The following MGAT4A variants were observed in gnomAD, a reference collection of about 807,000 sequenced individuals.
The protein encoded by MGAT4A is alpha-1,3-mannosyl-glycoprotein 4-beta-N-acetylglucosaminyltransferase A.
A neutral mutation model predicts 74.1 loss-of-function variants in MGAT4A; 33 were observed. That is an observed-to-expected ratio of 0.45 (90% CI 0.34 to 0.60). The LOEUF (loss-of-function observed/expected upper bound fraction) is 0.60. Ranked by LOEUF, MGAT4A falls within the 20% of genes least tolerant of loss-of-function variation. The pLI, the probability that MGAT4A is intolerant of heterozygous loss-of-function variation, is 0.02. For missense variants in MGAT4A, 479 were observed against 628.3 expected (o/e 0.76, Z 2.54); for synonymous variants, 198 against 210.4 (o/e 0.94, Z 0.51).
Position 98,625,364 on chromosome 2 carries a change from C to T in MGAT4A, c.*202G>A. The T allele has an allele frequency of 7.3e-7, 1 of 1,366,900 alleles. No individual in the cohort carries two copies. The highest frequency in any genetic ancestry group is 9.5e-7 in the Non-Finnish European group (1 of 1,057,262). The allele number at this position is 1,366,900 out of a possible 1,614,324, so 84.7% of individuals were successfully genotyped here. A position where few individuals can be genotyped will look rare whatever the true frequency, so the allele number is the denominator to read the frequency against. On this transcript the variant is annotated 3_prime_UTR_variant, in exon 16 of 16. Coordinates refer to ENST00000393487, the MANE Select transcript of MGAT4A (RefSeq NM_012214.3). ...TGTCATAATTGAAAAATGTTTGAGT[C>T]AAGTTAAAATCTGAGGACAGCTTAG...
chr2:98,623,042 G>C lies in MGAT4A; in HGVS notation c.*2524C>G. 1 of 985,636 alleles carries C rather than the reference G, an allele frequency of 1.0e-6. No homozygotes were observed. 61.1% of individuals were successfully genotyped at this position (985,636 alleles called of 1,614,324 possible). ...CAAAAATAATACAAAATGATAAAAA[G>C]AGAAAGAGGAGGGCAGGCTGGAATA... On this transcript the variant is annotated 3_prime_UTR_variant, in exon 16 of 16. Coordinates refer to ENST00000393487, the MANE Select transcript of MGAT4A (RefSeq NM_012214.3).
At chr2:98,715,160 C>CA (rs1028517359) in intron 2 of MGAT4A, among the ~76,000 whole-genome samples, 40 of 150,924 alleles carry the variant, frequency 2.7e-4, no homozygotes, top group African/African-American at 8.5e-4. Flanking sequence ...ACTAAAAATA[C>CA]AAAAAAAAGT....
intron 4 of MGAT4A, chr2:98,663,402 TG>T (rs1459568129): frequency 2.7e-5 from 41 of 1,510,416 alleles, no homozygotes; most frequent in Non-Finnish European, 3.4e-5. Context: ...CTGATAAAAA[TG>T]AAAGACATTA....
At chr2:98,662,793 G>A (rs1005152845) in intron 5 of MGAT4A, among the ~76,000 whole-genome samples, 6 of 152,142 alleles carry the variant, frequency 3.9e-5, no homozygotes, top group Admixed American at 3.9e-4. Flanking sequence ...CTTAGAGCTA[G>A]AAATAGGCAC....
intron 5 of MGAT4A, among the ~76,000 whole-genome samples, chr2:98,662,245 T>G (rs1701763014): frequency 6.6e-6 from 1 of 152,248 alleles, no homozygotes; most frequent in African/African-American, 2.4e-5. Context: ...GGAGATACCC[T>G]CTATAATTTC....
At chr2:98,676,706 C>A (rs1575263788) in intron 3 of MGAT4A, among the ~76,000 whole-genome samples, 1 of 152,014 alleles carries the variant, frequency 6.6e-6, no homozygotes, top group South Asian at 2.1e-4. Context: ...ACATTCACAG[C>A]CACTAAAAAT....
chr2:98,656,097 C>A (rs1024873553), intron 7 of MGAT4A: 4 of 393,106 alleles, frequency 1.0e-5, no homozygotes, highest in Non-Finnish European at 1.8e-5. Context: ...TCCTGGTAGC[C>A]TACAGAAACA....
chr2:98,692,992 T>C (rs186337295), intron 2 of MGAT4A, among the ~76,000 whole-genome samples: 176 of 152,064 alleles, frequency 1.2e-3, no homozygotes, highest in African/African-American at 4.1e-3. Flanking sequence ...AAGAAACCCA[T>C]GAAAAGAAAC....
chr2:98,729,947 C>T (rs981554841), intron 1 of MGAT4A, among the ~76,000 whole-genome samples: 2 of 152,160 alleles, frequency 1.3e-5, no homozygotes, highest in Non-Finnish European at 2.9e-5. Flanking sequence ...ATACAGCTTA[C>T]GTAATGTCAT....
In MGAT4A at chr2:98,624,598, G is replaced by T. The variant is rs563896824; in HGVS notation, c.*968C>A. ...ACACCTAGAAAACATTTTGTCTGAC[G>T]TCATAAAATGAGTGCAGATATAAAA... On this transcript the variant is annotated 3_prime_UTR_variant, in exon 16 of 16. Coordinates refer to ENST00000393487, the MANE Select transcript of MGAT4A (RefSeq NM_012214.3). 8 of 984,602 alleles carry T rather than the reference G, an allele frequency of 8.1e-6. No homozygotes were observed. Among genetic ancestry groups the T allele is most frequent in the Non-Finnish European group, 9.6e-6 (8 of 829,466 alleles). The allele number at this position is 984,602 out of a possible 1,614,324, so 61.0% of individuals were successfully genotyped here. A position where few individuals can be genotyped will look rare whatever the true frequency, so the allele number is the denominator to read the frequency against.
At chr2:98,670,359 T>C (rs1199169275) in intron 4 of MGAT4A, among the ~76,000 whole-genome samples, 3 of 152,322 alleles carry the variant, frequency 2.0e-5, no homozygotes, top group Admixed American at 6.5e-5. Flanking sequence ...TATTATGTAC[T>C]AGACAGTCTG....
At chr2:98,714,865 C>T (rs748363657) in intron 2 of MGAT4A, among the ~76,000 whole-genome samples, 1 of 151,958 alleles carries the variant, frequency 6.6e-6, no homozygotes, top group Non-Finnish European at 1.5e-5. Flanking sequence ...ATGATAGGGG[C>T]ACAACAAAAG....
intron 2 of MGAT4A, among the ~76,000 whole-genome samples, chr2:98,710,126 T>C (rs1350327596): frequency 1.3e-5 from 2 of 152,172 alleles, no homozygotes; most frequent in Non-Finnish European, 2.9e-5. Context: ...TTTTGAAGTC[T>C]CTAAAACAAC....
intron 4 of MGAT4A, chr2:98,663,569 T>A: frequency 2.2e-6 from 2 of 904,590 alleles, no homozygotes; most frequent in Non-Finnish European, 3.0e-6. Flanking sequence ...ATCAGTTCTG[T>A]GGTTGTTCTT....
At position 98,660,584 on chromosome 2, in the gene MGAT4A, A is replaced by G. The variant is rs572727056; in HGVS notation, c.538-2320T>C. 2.0e-3 allele frequency among the ~76,000 whole-genome samples: 298 copies of G among 152,288 alleles called. 2 individuals are homozygous for G. The Middle Eastern group carries it at 0.044, about 23-fold the overall frequency. ...TGGTATTGATTTTTAAAAAACAGAC[A>G]CACTGGCCAATGGAACAGAATATAG... On this transcript the variant is annotated intron_variant, in intron 5 of 15. Coordinates refer to ENST00000393487, the MANE Select transcript of MGAT4A (RefSeq NM_012214.3).
intron 4 of MGAT4A, among the ~76,000 whole-genome samples, chr2:98,665,291 T>C (rs1346304539): frequency 7.3e-6 from 1 of 136,398 alleles, no homozygotes; most frequent in Non-Finnish European, 1.5e-5. Flanking sequence ...ATCGCGCCAC[T>C]GCACACCAGC....
At chr2:98,682,713 T>A (rs909434558) in intron 2 of MGAT4A, among the ~76,000 whole-genome samples, 78 of 148,396 alleles carry the variant, frequency 5.3e-4, no homozygotes, top group Non-Finnish European at 8.2e-4. Flanking sequence ...ACCCCTCATG[T>A]GGGATTCCTG....
Position 98,655,496 on chromosome 2 carries a change from A to G in MGAT4A, c.723T>C (p.Asp241=). The G allele has an allele frequency of 6.2e-7, 1 of 1,611,730 alleles. No homozygotes were observed. Among genetic ancestry groups the G allele is most frequent in the Non-Finnish European group, 8.5e-7 (1 of 1,178,440 alleles). ...RVRWRTKQNL[D]YCFLMMYAQE... ...GAGCATACATCATTAGAAAACAGTA[A>G]TCTAGGTTTTGCTTTGTTCTCCATC... is the stretch of plus-strand genomic sequence containing the variant. Residue 241 remains aspartate, a synonymous_variant, in exon 8 of 16, where the codon GAT becomes GAC. Transcript: ENST00000393487.
intron 2 of MGAT4A, among the ~76,000 whole-genome samples, chr2:98,689,084 G>C (rs1248133833): frequency 2.0e-5 from 3 of 152,138 alleles, no homozygotes. Flanking sequence ...ATGGTACATA[G>C]TGACATAAAT....
Sources: gnomAD v4.1 joint callset for allele counts (sites outside exome capture counted in the v4.1 genomes callset) on GRCh38, gnomAD v4.1.1 for gene constraint, MANE v1.5 for transcripts, NCBI Gene and HGNC (gene_info 2026-07-23, HGNC 2026-07-21) for gene names.